The following PCDHGA1 variants were observed in gnomAD, a reference collection of about 807,000 sequenced individuals.
The protein encoded by PCDHGA1 is protocadherin gamma-A1.
In PCDHGA1, 32 loss-of-function variants were observed where a neutral mutation model predicts 58.0. The ratio of observed to expected loss-of-function variants is 0.55; its 90% confidence interval spans 0.42 to 0.74. PCDHGA1 has a LOEUF of 0.74. Ranked by LOEUF, PCDHGA1 falls within the 30% of genes least tolerant of loss-of-function variation. The probability of loss-of-function intolerance (pLI) is 0.00; values close to 1 mark genes in which losing one functional copy is unlikely to be tolerated. For missense variants in PCDHGA1, 1,205 were observed against 1,182.3 expected (o/e 1.02, Z -0.28); for synonymous variants, 498 against 501.1 (o/e 0.99, Z 0.08).
intron 1 of PCDHGA1, chr5:141,392,918 G>T (rs1177755274): frequency 1.2e-6 from 2 of 1,613,794 alleles, no homozygotes; most frequent in African/African-American, 2.7e-5. Flanking sequence ...GCTACTCTGT[G>T]CCAGAAGAGA....
Position 141,331,959 on chromosome 5 carries a change from A to G in PCDHGA1, c.1275A>G (p.Ile425Met). The change falls in exon 1 of 4, where the codon ATA becomes ATG. Residue 425 changes from isoleucine to methionine, a missense_variant. Physicochemically the swap from Ile to Met is conservative, Grantham distance 10. Transcript: ENST00000517417. ...ISGYNITITAIDQGTPALSTE... is the reference protein window; with the variant it reads ...ISGYNITITAMDQGTPALSTE... ...GGTACAACATCACAATAACAGCAAT[A>G]GACCAAGGAACTCCAGCTCTATCTA... 1 of 1,614,186 alleles carries G rather than the reference A, an allele frequency of 6.2e-7. No individual in the cohort carries two copies. The highest frequency in any genetic ancestry group is 8.5e-7 in the Non-Finnish European group (1 of 1,180,048).
intron 1 of PCDHGA1, chr5:141,418,495 G>T (rs745982190): frequency 6.2e-7 from 1 of 1,613,974 alleles, no homozygotes; most frequent in South Asian, 1.1e-5. Context: ...ACTTGGTACT[G>T]ACCGCCTTAG....
chr5:141,351,353 A>G (rs1369493979), intron 1 of PCDHGA1: 7 of 1,613,362 alleles, frequency 4.3e-6, no homozygotes, highest in East Asian at 2.2e-5. Context: ...AATAGCCCTC[A>G]TAAAAGTGCG....
intron 1 of PCDHGA1, chr5:141,351,349 C>T (rs1277588890): frequency 3.7e-6 from 6 of 1,613,326 alleles, no homozygotes; most frequent in Non-Finnish European, 5.1e-6. Context: ...CTGTAATAGC[C>T]CTCATAAAAG....
intron 1 of PCDHGA1, chr5:141,374,356 C>T: frequency 1.2e-6 from 2 of 1,614,034 alleles, no homozygotes; most frequent in Non-Finnish European, 1.7e-6. Context: ...GTAGGATAGA[C>T]CGCGAGGAGC....
At chr5:141,345,913 G>C (rs771512073) in intron 1 of PCDHGA1, 1 of 1,613,248 alleles carries the variant, frequency 6.2e-7, no homozygotes, top group Admixed American at 1.7e-5. Flanking sequence ...GGCGAGGTGC[G>C]CACGGCGCGA....
chr5:141,366,657 C>T, intron 1 of PCDHGA1: 1 of 1,614,248 alleles, frequency 6.2e-7, no homozygotes. Flanking sequence ...CCCAACTACG[C>T]AGACACGCTC....
At chr5:141,443,615 C>T (rs1430581477) in intron 1 of PCDHGA1, among the ~76,000 whole-genome samples, 3 of 152,198 alleles carry the variant, frequency 2.0e-5, no homozygotes, top group Non-Finnish European at 4.4e-5. Flanking sequence ...TTCTTATAAT[C>T]AGGTGATTGT....
chr5:141,351,016 A>C, intron 1 of PCDHGA1: 1 of 1,614,078 alleles, frequency 6.2e-7, no homozygotes, highest in Non-Finnish European at 8.5e-7. Context: ...AAGAAAACGT[A>C]CCGTGGGGAA....
chr5:141,433,050 G>A, intron 1 of PCDHGA1: 2 of 1,614,142 alleles, frequency 1.2e-6, no homozygotes, highest in Non-Finnish European at 1.7e-6. Context: ...ACGGACTCGC[G>A]GAAGAGTCAC....
intron 1 of PCDHGA1, chr5:141,417,772 C>G: frequency 6.9e-7 from 1 of 1,456,320 alleles, no homozygotes; most frequent in East Asian, 2.5e-5. Context: ...GGGACTCCTC[C>G]TGTCCTGGGC....
Position 141,408,587 on chromosome 5 carries a change from C to A in PCDHGA1, c.2421+75482C>A, listed in dbSNP as rs768912219. 3 of 1,613,898 alleles carry A rather than the reference C, an allele frequency of 1.9e-6. No homozygotes were observed. The South Asian group carries it at 3.3e-5, about 18-fold the overall frequency. ...TGTGGTGATTGAGGATGTTAATGACCACGCCCCTCAATTTGATAAAAAGGA... is the reference window on the plus strand; with the variant it reads ...TGTGGTGATTGAGGATGTTAATGACAACGCCCCTCAATTTGATAAAAAGGA... On this transcript the variant is annotated intron_variant, in intron 1 of 3. Transcript: ENST00000517417.
intron 1 of PCDHGA1, chr5:141,372,823 A>G (rs1561557860): frequency 6.4e-7 from 1 of 1,564,608 alleles, no homozygotes; most frequent in South Asian, 1.2e-5. Flanking sequence ...AGTTTCTTCA[A>G]ACCTTTCCTT....
chr5:141,382,731 A>G (rs1250192091), intron 1 of PCDHGA1: 6 of 554,412 alleles, frequency 1.1e-5, no homozygotes, highest in Non-Finnish European at 1.8e-5. Flanking sequence ...TTTACAGCAC[A>G]GAGAAACGAC....
At chr5:141,399,350 G>T (rs746925566) in intron 1 of PCDHGA1, 2 of 1,613,964 alleles carry the variant, frequency 1.2e-6, no homozygotes, top group East Asian at 2.2e-5. Flanking sequence ...ACCCTAGACC[G>T]AGAGCAAACC....
chr5:141,432,209 A>C lies in PCDHGA1; in HGVS notation c.2422-62598A>C, dbSNP rs1473794319. ...CGCCCACGACCCCGACTGTGAAGAGAACGCCCAGATCACTTATTCCCTGGC... is the reference window on the plus strand; with the variant it reads ...CGCCCACGACCCCGACTGTGAAGAGCACGCCCAGATCACTTATTCCCTGGC... On this transcript the variant is annotated intron_variant, in intron 1 of 3. Transcript: ENST00000517417. This position sits in a 1 kb window ranked among gnomAD's most constrained non-coding sequence, Gnocchi z 6.0. 2 of 1,614,098 alleles carry C rather than the reference A, an allele frequency of 1.2e-6. No homozygotes were observed. Among genetic ancestry groups the C allele is most frequent in the Non-Finnish European group, 8.5e-7 (1 of 1,180,032 alleles).
chr5:141,477,804 A>G lies in PCDHGA1; in HGVS notation c.2422-17003A>G. The G allele has an allele frequency of 6.2e-7, 1 of 1,614,088 alleles. No individual in the cohort carries two copies. ...ATATTTGTCACTGATCGCAATGACA[A>G]TGCCCCCCAGGTCCTATATCCTCGG... On this transcript the variant is annotated intron_variant, in intron 1 of 3. Transcript: ENST00000517417. The surrounding 1 kb of genome is among the most constrained non-coding windows in gnomAD (Gnocchi z 4.9).
chr5:141,500,207 T>G (rs932015076), intron 2 of PCDHGA1, among the ~76,000 whole-genome samples: 2 of 150,136 alleles, frequency 1.3e-5, no homozygotes, highest in African/African-American at 4.9e-5. Context: ...TTTATTTATT[T>G]ATTTATTTAT....
rs766865642 is a variant in PCDHGA1, at chr5:141,400,084, A to G, written c.2421+66979A>G. 34 of 1,613,852 alleles carry G rather than the reference A, an allele frequency of 2.1e-5. No homozygotes were observed. The highest frequency in any genetic ancestry group is 2.0e-4 in the Admixed American group (12 of 60,006). On this transcript the variant is annotated intron_variant, in intron 1 of 3. Transcript: ENST00000517417. The stretch of plus-strand genomic sequence containing the variant: ...TGGTGGACAGCCGCCACTCTCCGCC[A>G]CCGCCACGCTGCACTTGGTCTTTGC...
Sources: allele counts gnomAD v4.1 joint callset (sites outside exome capture counted in the v4.1 genomes callset), GRCh38; gene constraint gnomAD v4.1.1; non-coding constraint Gnocchi (gnomAD v3.1); transcripts MANE v1.5; gene names NCBI Gene and HGNC (gene_info 2026-07-23, HGNC 2026-07-21).